Variants in GLDC observed in about 807,000 individuals in gnomAD.
The protein encoded by GLDC is glycine decarboxylase, also known as glycine dehydrogenase (decarboxylating), mitochondrial.
In GLDC, 104 loss-of-function variants were observed where a neutral mutation model predicts 121.3. The observed-to-expected ratio is 0.86, with a 90% CI of 0.73 to 1.01. The LOEUF (loss-of-function observed/expected upper bound fraction) is 1.01. Among genes scored for constraint, GLDC ranks in the 50% least tolerant of loss-of-function variants. GLDC has a pLI of 0.00. For synonymous variants in GLDC, 546 were observed against 480.6 expected (o/e 1.14, Z -1.78); for missense variants, 1,429 against 1,306.6 (o/e 1.09, Z -1.44).
chr9:6,604,511 G>T, intron 7 of GLDC, 77 bp downstream of exon 7: 1 of 1,323,176 alleles, frequency 7.6e-7, no homozygotes, highest in Non-Finnish European at 1.1e-6. Flanking sequence ...AATTCAGATA[G>T]AAATCAACAT....
intron 7 of GLDC, among the ~76,000 whole-genome samples, chr9:6,603,772 C>G (rs1201573896): frequency 6.6e-6 from 1 of 150,448 alleles, no homozygotes; most frequent in Non-Finnish European, 1.5e-5. Context: ...GCTCTGCACC[C>G]AAACTGGAGT....
chr9:6,599,459 A>T (rs1290127906), intron 8 of GLDC, among the ~76,000 whole-genome samples: 1 of 152,098 alleles, frequency 6.6e-6, no homozygotes, highest in East Asian at 1.9e-4. Context: ...ATGGCGGCTT[A>T]TGCCTGTAAT....
At chr9:6,624,926 T>G (rs1247799186) in intron 2 of GLDC, among the ~76,000 whole-genome samples, 1 of 151,536 alleles carries the variant, frequency 6.6e-6, no homozygotes, top group Non-Finnish European at 1.5e-5. Flanking sequence ...AGGCGGAGAT[T>G]GCAGTGAGCT....
intron 2 of GLDC, among the ~76,000 whole-genome samples, 160 bp from the exon 3 acceptor site, chr9:6,620,479 A>G (rs1217643079): frequency 6.9e-6 from 1 of 143,886 alleles, no homozygotes; most frequent in Non-Finnish European, 1.5e-5. Context: ...TGTATGCGAC[A>G]TCTCAAAAAA....
intron 22 of GLDC, 148 bp downstream of exon 22, chr9:6,539,903 C>T: frequency 4.4e-6 from 3 of 675,314 alleles, no homozygotes; most frequent in Admixed American, 4.9e-5. Flanking sequence ...AAACTTTTTT[C>T]TCTATTATTT....
intron 24 of GLDC, 67 bp downstream of exon 24, chr9:6,534,641 T>C: frequency 1.2e-6 from 1 of 809,984 alleles, no homozygotes; most frequent in Admixed American, 1.8e-5. Context: ...GCTAAGAGCG[T>C]ACACCCGTCA....
rs1265437083 is a variant in GLDC, at chr9:6,644,044, A to AAAAAAAAAAAAAAC, written c.334+569_334+570insGTTTTTTTTTTTTT. Among the ~76,000 whole-genome samples, 5 of 148,694 alleles carry AAAAAAAAAAAAAAC rather than the reference A, an allele frequency of 3.4e-5. 1 individual carries two copies. Among genetic ancestry groups the AAAAAAAAAAAAAAC allele is most frequent in the Non-Finnish European group, 5.9e-5 (4 of 67,416 alleles). The stretch of plus-strand genomic sequence containing the variant: ...GATTCTGTCTCAAAAAAAAAAAAAA[A>AAAAAAAAAAAAAAC]AAAAAACGAAAAAAAAAAGAAAAGA... On this transcript the variant is annotated intron_variant, in intron 2 of 24. Coordinates refer to ENST00000321612, the MANE Select transcript of GLDC (RefSeq NM_000170.3).
chr9:6,626,701 T>C (rs1364992235), intron 2 of GLDC, among the ~76,000 whole-genome samples: 1 of 152,170 alleles, frequency 6.6e-6, no homozygotes, highest in Non-Finnish European at 1.5e-5. Context: ...AAACCCATTC[T>C]CTCATACCTC....
At position 6,610,267 on chromosome 9, in the gene GLDC, G is replaced by A. The variant is rs386833582; in HGVS notation, c.560C>T (p.Thr187Ile). ...LNYQTMVCDITGLDMANASLL... is the reference protein window; with the variant it reads ...LNYQTMVCDIIGLDMANASLL... ...GGATGCATTGGCCATGTCCAGGCCT[G>A]TGATGTCACACACCATGGTCTGGTA... Residue 187 changes from threonine (T) to isoleucine (I), a missense_variant, in exon 4 of 25, where the codon ACA (threonine) becomes ATA (isoleucine). Thr to Ile is a moderately conservative substitution (Grantham distance 89, BLOSUM62 -1). Coordinates refer to ENST00000321612, the MANE Select transcript of GLDC (RefSeq NM_000170.3). 3 of 1,613,856 alleles carry A rather than the reference G, an allele frequency of 1.9e-6. No individual in the cohort carries two copies. The highest frequency in any genetic ancestry group is 1.1e-5 in the South Asian group (1 of 91,042).
intron 18 of GLDC, among the ~76,000 whole-genome samples, 157 bp downstream of exon 18, chr9:6,555,996 G>C (rs2129725229): frequency 6.6e-6 from 1 of 152,296 alleles, no homozygotes; most frequent in Non-Finnish European, 1.5e-5. Flanking sequence ...AGGATAAGTG[G>C]CTTTCCAAGG....
At chr9:6,622,068 T>G (rs369927875) in intron 2 of GLDC, among the ~76,000 whole-genome samples, 111 of 152,116 alleles carry the variant, frequency 7.3e-4, no homozygotes, top group African/African-American at 2.6e-3. Flanking sequence ...CACTTAACAT[T>G]GTTTTAACCC....
intron 15 of GLDC, among the ~76,000 whole-genome samples, chr9:6,574,982 C>T (rs892377830): frequency 3.3e-5 from 5 of 152,090 alleles, no homozygotes; most frequent in African/African-American, 1.2e-4. Flanking sequence ...TTCCTCCAGG[C>T]CAAATTGCTC....
chr9:6,544,493 A>C (rs1248608674), intron 21 of GLDC, among the ~76,000 whole-genome samples: 2 of 152,106 alleles, frequency 1.3e-5, no homozygotes, highest in African/African-American at 2.4e-5. Context: ...AAAATACAAA[A>C]ATCAGCCGAG....
At chr9:6,627,610 C>T (rs1253286293) in intron 2 of GLDC, among the ~76,000 whole-genome samples, 1 of 152,080 alleles carries the variant, frequency 6.6e-6, no homozygotes, top group African/African-American at 2.4e-5. Context: ...AGTTAATGGA[C>T]ATTTTCGAGC....
chr9:6,611,416 C>T (rs137924495), intron 3 of GLDC, among the ~76,000 whole-genome samples: 6 of 152,246 alleles, frequency 3.9e-5, no homozygotes, highest in Middle Eastern at 3.4e-3. Context: ...ATTAGCCAGG[C>T]GTGGTGGCAC....
chr9:6,615,721 C>T (rs1037697944), intron 3 of GLDC, among the ~76,000 whole-genome samples: 4 of 151,440 alleles, frequency 2.6e-5, no homozygotes, highest in Non-Finnish European at 4.4e-5. Flanking sequence ...AGTGATTCTC[C>T]TGCTTCAGCC....
intron 10 of GLDC, 102 bp downstream of exon 10, chr9:6,592,749 A>C: frequency 8.6e-7 from 1 of 1,157,438 alleles, no homozygotes; most frequent in Non-Finnish European, 1.3e-6. Context: ...GACTGTGCCT[A>C]AAGTTTTCCT....
chr9:6,639,668 A>AAATATATATATATATATATATATAT lies in GLDC; in HGVS notation c.334+4945_334+4946insATATATATATATATATATATATATT. The AAATATATATATATATATATATATAT allele has an allele frequency of 2.8e-5, 7 of 250,558 alleles. No homozygotes were observed. In the East Asian group the frequency reaches 6.9e-4, roughly 25 times the overall value. 15.5% of individuals were successfully genotyped at this position (250,558 alleles called of 1,614,324 possible). On this transcript the variant is annotated intron_variant, in intron 2 of 24. Coordinates refer to ENST00000321612, the MANE Select transcript of GLDC (RefSeq NM_000170.3). ...ATATATCTTTTCACCATAAAAAAAA[A>AAATATATATATATATATATATATAT]GTATATATATATATATATATGGACA...
At chr9:6,544,501 G>A (rs1383075494) in intron 21 of GLDC, among the ~76,000 whole-genome samples, 3 of 152,086 alleles carry the variant, frequency 2.0e-5, no homozygotes, top group Non-Finnish European at 4.4e-5. Flanking sequence ...AAAATCAGCC[G>A]AGTGCAGTGG....
Sources: allele counts gnomAD v4.1 joint callset (sites outside exome capture counted in the v4.1 genomes callset), GRCh38; gene constraint gnomAD v4.1.1; transcripts MANE v1.5; gene names NCBI Gene and HGNC (gene_info 2026-07-23, HGNC 2026-07-21).